BTNL8: variants seen among roughly 807,000 people sequenced by gnomAD.
BTNL8 encodes butyrophilin-like protein 8.
In BTNL8, 22 loss-of-function variants were observed where a neutral mutation model predicts 36.1. The ratio of observed to expected loss-of-function variants is 0.61; its 90% CI spans 0.44 to 0.87. The LOEUF (loss-of-function observed/expected upper bound fraction) is 0.87. Among genes scored for constraint, BTNL8 ranks in the 40% least tolerant of loss-of-function variants. The probability of loss-of-function intolerance (pLI) is 0.00; values close to 1 mark genes in which losing one functional copy is unlikely to be tolerated. For missense variants in BTNL8, 526 were observed against 616.9 expected, an observed-to-expected ratio of 0.85 and a Z score of 1.56; for synonymous variants, 203 against 235.6, an observed-to-expected ratio of 0.86 and a Z score of 1.27.
chr5:180,940,904 A>G (rs760413485), intron 3 of BTNL8, among the ~76,000 whole-genome samples: 1 of 152,080 alleles, frequency 6.6e-6, no homozygotes, highest in Non-Finnish European at 1.5e-5. Flanking sequence ...CCCTGTCTCT[A>G]CAAAAAAACA....
intron 3 of BTNL8, among the ~76,000 whole-genome samples, chr5:180,913,906 A>G (rs755720337): frequency 6.6e-6 from 1 of 152,248 alleles, no homozygotes; most frequent in Non-Finnish European, 1.5e-5. Flanking sequence ...TTGAATCAGT[A>G]AGAATATAGA....
At chr5:180,929,609 C>T (rs1339617985) in intron 3 of BTNL8, among the ~76,000 whole-genome samples, 7 of 151,986 alleles carry the variant, frequency 4.6e-5, no homozygotes, top group Non-Finnish European at 1.0e-4. Flanking sequence ...CAAATAGACA[C>T]AATAAAAAAT....
intron 3 of BTNL8, among the ~76,000 whole-genome samples, chr5:180,930,420 C>T (rs1157534978): frequency 3.3e-5 from 5 of 152,232 alleles, no homozygotes; most frequent in African/African-American, 1.2e-4. Context: ...TGTCCTCTTT[C>T]ACCACTCCTA....
intron 3 of BTNL8, among the ~76,000 whole-genome samples, chr5:180,918,128 T>C (rs1382569303): frequency 6.6e-6 from 1 of 151,688 alleles, no homozygotes; most frequent in East Asian, 1.9e-4. Context: ...TCCAAACTCA[T>C]TTTATGAGGC....
At chr5:180,909,470 A>G in intron 2 of BTNL8, 1 of 903,202 alleles carries the variant, frequency 1.1e-6, no homozygotes, top group East Asian at 1.2e-4. Context: ...TGTTTATCTG[A>G]TACAGCAGGG....
Position 180,935,573 on chromosome 5 carries a change from C to T in BTNL8, c.674-11939C>T, listed in dbSNP as rs1758610684. Among the ~76,000 whole-genome samples, 1 of 152,248 alleles carries T rather than the reference C, an allele frequency of 6.6e-6. No individual in the cohort carries two copies. The highest frequency in any genetic ancestry group is 2.4e-5 in the African/African-American group (1 of 41,466). On this transcript the variant is annotated intron_variant, in intron 3 of 7. Transcript: ENST00000340184. This position sits in a 1 kb window ranked among gnomAD's most constrained non-coding sequence, Gnocchi z 4.8. The stretch of plus-strand genomic sequence containing the variant: ...GGAGAGGGTAGGAAGCAGAAGCAGG[C>T]ACTTCTGAGCCTGCAGGGGCAGAGA...
intron 3 of BTNL8, among the ~76,000 whole-genome samples, chr5:180,911,896 A>G (rs1003810678): frequency 6.6e-6 from 1 of 152,044 alleles, no homozygotes; most frequent in Non-Finnish European, 1.5e-5. Flanking sequence ...CTGGGTCACG[A>G]TTTGCTCAGA....
intron 3 of BTNL8, among the ~76,000 whole-genome samples, chr5:180,919,162 T>C (rs1309543455): frequency 6.6e-6 from 1 of 152,246 alleles, no homozygotes; most frequent in Admixed American, 6.5e-5. Context: ...CTATCTGTCA[T>C]GTGATGCTAT....
chr5:180,899,938 G>A (rs139632720), intron 1 of BTNL8, among the ~76,000 whole-genome samples: 275 of 152,294 alleles, frequency 1.8e-3, no homozygotes, highest in African/African-American at 6.3e-3. Flanking sequence ...GGAAGCTTGA[G>A]GTTGGGGTAG....
intron 3 of BTNL8, among the ~76,000 whole-genome samples, chr5:180,917,462 C>T (rs2113797786): frequency 1.4e-5 from 2 of 143,956 alleles, no homozygotes; most frequent in South Asian, 4.6e-4. Context: ...AAATCATAGG[C>T]CAACAAACTG....
chr5:180,909,706 T>G, intron 2 of BTNL8: 1 of 278,294 alleles, frequency 3.6e-6, no homozygotes, highest in Non-Finnish European at 5.1e-6. Flanking sequence ...TGGTAAGACC[T>G]CATCTCTATT....
intron 4 of BTNL8, chr5:180,948,034 C>G: frequency 1.5e-6 from 1 of 647,928 alleles, no homozygotes; most frequent in Admixed American, 3.2e-5. Context: ...AACCAATTTC[C>G]TCCTCCTTGG....
At chr5:180,931,462 A>G (rs910322501) in intron 3 of BTNL8, among the ~76,000 whole-genome samples, 7 of 152,248 alleles carry the variant, frequency 4.6e-5, no homozygotes, top group Non-Finnish European at 7.3e-5. Flanking sequence ...GACAAGTGGG[A>G]TCTAGTTAAA....
chr5:180,938,600 C>T (rs561085803), intron 3 of BTNL8, among the ~76,000 whole-genome samples: 17 of 150,616 alleles, frequency 1.1e-4, no homozygotes, highest in Admixed American at 4.0e-4. Flanking sequence ...TCCACTGGCA[C>T]GATTTCGGCT....
intron 1 of BTNL8, among the ~76,000 whole-genome samples, chr5:180,906,592 T>C (rs1757097092): frequency 8.2e-6 from 1 of 122,572 alleles, no homozygotes; most frequent in South Asian, 2.2e-4. Flanking sequence ...TTTTGCTCGT[T>C]AGTTGATGCA....
At chr5:180,927,444 T>A (rs576543553) in intron 3 of BTNL8, among the ~76,000 whole-genome samples, 1 of 152,162 alleles carries the variant, frequency 6.6e-6, no homozygotes, top group Non-Finnish European at 1.5e-5. Context: ...TTACAACTCC[T>A]CACCAGCAAG....
chr5:180,943,835 C>T (rs1759101683), intron 3 of BTNL8, among the ~76,000 whole-genome samples: 1 of 152,084 alleles, frequency 6.6e-6, no homozygotes, highest in African/African-American at 2.4e-5. Flanking sequence ...TGGAATCAAC[C>T]TAAGTGTTTA....
intron 2 of BTNL8, among the ~76,000 whole-genome samples, chr5:180,910,558 T>C (rs1395076879): frequency 2.0e-5 from 3 of 152,190 alleles, no homozygotes; most frequent in Admixed American, 6.5e-5. Context: ...CCCTGAGACT[T>C]TTTTTTCTTG....
At chr5:180,900,921 T>C (rs1432723598) in intron 1 of BTNL8, among the ~76,000 whole-genome samples, 1 of 152,224 alleles carries the variant, frequency 6.6e-6, no homozygotes, top group Non-Finnish European at 1.5e-5. Flanking sequence ...GCAAACCTTC[T>C]GAGCTGCCTT....
Sources: gnomAD v4.1 joint callset for allele counts (sites outside exome capture counted in the v4.1 genomes callset) on GRCh38, gnomAD v4.1.1 for gene constraint, Gnocchi (gnomAD v3.1) non-coding constraint, MANE v1.5 for transcripts, NCBI Gene and HGNC (gene_info 2026-07-23, HGNC 2026-07-21) for gene names.